Variants in XPOT observed in about 807,000 individuals in gnomAD.
XPOT encodes the protein exportin for tRNA.
In XPOT, 34 loss-of-function variants were observed where a neutral mutation model predicts 128.2. The ratio of observed to expected loss-of-function variants is 0.27; its 90% CI spans 0.20 to 0.35. The LOEUF is 0.35. Among genes scored for constraint, XPOT ranks in the 10% least tolerant of loss-of-function variants. The pLI is 1.00. For missense variants in XPOT, 838 were observed against 1,125.3 expected, an observed-to-expected ratio of 0.74 and a Z score of 3.65; for synonymous variants, 348 against 394.3, an observed-to-expected ratio of 0.88 and a Z score of 1.39.
At chr12:64,441,629 C>T (rs1472408237) in intron 23 of XPOT, among the ~76,000 whole-genome samples, 2 of 151,986 alleles carry the variant, frequency 1.3e-5, no homozygotes, top group Non-Finnish European at 2.9e-5. Flanking sequence ...TGAATCTGTA[C>T]GTCACTTTGT....
At position 64,404,404 on chromosome 12, in the gene XPOT, A is replaced by T. The variant is rs2039955508; in HGVS notation, c.-475A>T. 6.6e-6 allele frequency: 1 copy of T among 151,930 alleles called. No homozygotes were observed. The highest frequency in any genetic ancestry group is 6.6e-5 in the Admixed American group (1 of 15,150). The allele number at this position is 151,930 out of a possible 1,614,324, so 9.4% of individuals were successfully genotyped here. On this transcript the variant is annotated 5_prime_UTR_variant, in exon 1 of 25. Transcript: ENST00000332707. ...GGCTGCCGCCCGCACTCTCCAAGAGACTGCTGGCGCCGGCGCCCGCCCGCG... is the reference window on the plus strand; with the variant it reads ...GGCTGCCGCCCGCACTCTCCAAGAGTCTGCTGGCGCCGGCGCCCGCCCGCG...
chr12:64,437,834 G>T (rs2040294920), intron 22 of XPOT, among the ~76,000 whole-genome samples: 1 of 152,186 alleles, frequency 6.6e-6, no homozygotes, highest in African/African-American at 2.4e-5. Flanking sequence ...GAACCAGATA[G>T]TCAGGTGTGG....
chr12:64,439,648 G>A (rs1373157251), intron 23 of XPOT, among the ~76,000 whole-genome samples: 8 of 152,068 alleles, frequency 5.3e-5, no homozygotes. Context: ...AGCCTAATAG[G>A]CTTTTCCAGA....
At chr12:64,410,435 C>T (rs1592523769) in intron 2 of XPOT, among the ~76,000 whole-genome samples, 1 of 152,080 alleles carries the variant, frequency 6.6e-6, no homozygotes, top group African/African-American at 2.4e-5. Context: ...TTTCTCTTTC[C>T]TTGGCTTGAT....
chr12:64,416,703 A>G lies in XPOT; in HGVS notation c.149A>G (p.Asp50Gly), dbSNP rs201980389. The G allele has an allele frequency of 5.6e-6, 9 of 1,612,422 alleles. No homozygotes were observed. Among genetic ancestry groups the G allele is most frequent in the Middle Eastern group, 1.7e-4 (1 of 6,010 alleles). Residue 50 changes from aspartate (D) to glycine (G), a missense_variant, in exon 4 of 25, where the codon GAT becomes GGT. Coordinates refer to ENST00000332707, the MANE Select transcript of XPOT (RefSeq NM_007235.6). ...TTTCTTTTTTTCTTTTTCAGTGATG[A>G]TCATGTGAAGTTTTTCTGCTTTCAA... ...EALAQRTYSDDHVKFFCFQVL... is the reference protein window; with the variant it reads ...EALAQRTYSDGHVKFFCFQVL...
chr12:64,437,219 G>A (rs776491220), intron 22 of XPOT, among the ~76,000 whole-genome samples: 1 of 152,188 alleles, frequency 6.6e-6, no homozygotes, highest in Admixed American at 6.5e-5. Context: ...CAGGGGAACT[G>A]TATAAAGGTA....
At chr12:64,446,388 G>A (rs2136042459) in intron 24 of XPOT, among the ~76,000 whole-genome samples, 1 of 152,224 alleles carries the variant, frequency 6.6e-6, no homozygotes, top group East Asian at 1.9e-4. Context: ...AATTTCATTC[G>A]TGTTCACTCC....
rs2040173585 is a variant in XPOT at position 64,424,668 on chromosome 12, G to C, written c.1252G>C (p.Val418Leu). ...GTTACTGTTGGACAGGCTTGCTCAA[G>C]TTTCACCAGAGTTACTACTGGCCTC... ...LKLLLDRLAQ[V>L]SPELLLASVR... Residue 418 changes from valine (V) to leucine (L), a missense_variant, in exon 12 of 25, where the codon GTT (valine) becomes CTT (leucine). By Grantham distance (32) the Val-to-Leu change is conservative. Around this residue, in one of 3 missense-constraint regions of XPOT, gnomAD observed 761 missense variants for 988.3 expected, o/e 0.77. Transcript: ENST00000332707. The C allele has an allele frequency of 1.9e-6, 3 of 1,612,970 alleles. No homozygotes were observed. Among genetic ancestry groups the C allele is most frequent in the Non-Finnish European group, 2.5e-6 (3 of 1,179,986 alleles).
chr12:64,409,744 A>G (rs1282895189), intron 1 of XPOT: 1 of 312,882 alleles, frequency 3.2e-6, no homozygotes. Flanking sequence ...CAAAAAAAAA[A>G]ATCAGATTTT....
rs1358704092 is a variant in XPOT at position 64,449,671 on chromosome 12, T to A, written c.*1540T>A. The A allele has an allele frequency of 1.3e-5, 2 of 152,238 alleles. No individual in the cohort carries two copies. Among genetic ancestry groups the A allele is most frequent in the African/African-American group, 4.8e-5 (2 of 41,464 alleles). 9.4% of individuals were successfully genotyped at this position (152,238 alleles called of 1,614,324 possible). ...TTCTTACACCATATAATAAAAATACTTAACTAAATTGACAGTTATAAAAAT... is the reference window on the plus strand; with the variant it reads ...TTCTTACACCATATAATAAAAATACATAACTAAATTGACAGTTATAAAAAT... On this transcript the variant is annotated 3_prime_UTR_variant, in exon 25 of 25. Coordinates refer to ENST00000332707, the MANE Select transcript of XPOT (RefSeq NM_007235.6).
intron 1 of XPOT, among the ~76,000 whole-genome samples, chr12:64,406,325 C>T (rs1169896527): frequency 2.0e-5 from 3 of 151,996 alleles, no homozygotes; most frequent in African/African-American, 4.8e-5. Context: ...CCGCCCACCT[C>T]GGCCTCCCAA....
Position 64,433,533 on chromosome 12 carries a change from G to A in XPOT, c.2382G>A (p.Leu794=). 1 of 1,613,246 alleles carries A rather than the reference G, an allele frequency of 6.2e-7. No homozygotes were observed. Among genetic ancestry groups the A allele is most frequent in the Non-Finnish European group, 8.5e-7 (1 of 1,179,486 alleles). The change falls in exon 19 of 25, where the codon TTG becomes TTA. Residue 794 remains leucine (L), a synonymous_variant. Coordinates refer to ENST00000332707, the MANE Select transcript of XPOT (RefSeq NM_007235.6). ...CTGCTGCTTTAGAGAAGCAGATGTTGCGGAGGAGTTACTTTGCTTTCCTGC... is the reference window on the plus strand; with the variant it reads ...CTGCTGCTTTAGAGAAGCAGATGTTACGGAGGAGTTACTTTGCTTTCCTGC... The part of the protein sequence containing the change: ...DQSAALEKQM[L]RRSYFAFLQT...
intron 14 of XPOT, 149 bp downstream of exon 14, chr12:64,425,606 C>G: frequency 1.8e-6 from 2 of 1,082,752 alleles, no homozygotes; most frequent in Non-Finnish European, 2.7e-6. Flanking sequence ...TCCTCCATTT[C>G]TTTTAAATGG....
intron 11 of XPOT, among the ~76,000 whole-genome samples, chr12:64,424,282 A>C (rs2136022977): frequency 6.6e-6 from 1 of 152,316 alleles, no homozygotes; most frequent in South Asian, 2.1e-4. Flanking sequence ...TAGGCTTTTG[A>C]GGTCTACGGC....
intron 22 of XPOT, among the ~76,000 whole-genome samples, chr12:64,437,074 GGTCTCCATTCAGCT>G (rs1183075426): frequency 6.6e-6 from 1 of 152,124 alleles, no homozygotes; most frequent in Non-Finnish European, 1.5e-5. Context: ...TTTGCTCAGT[GGTCTCCATTCAGCT>G]GTGCACTCAT....
At chr12:64,439,430 C>CATCTTATGTAATGCCATCTTATGTA in intron 23 of XPOT, 115 bp downstream of exon 23, 1 of 935,748 alleles carries the variant, frequency 1.1e-6, no homozygotes, top group South Asian at 1.5e-5. Context: ...AAGTTGTTGC[C>CATCTTATGTAATGCCATCTTATGTA]AGCATCTCAA....
At chr12:64,411,762 C>CTCAGTTG (rs1299622934) in intron 2 of XPOT, among the ~76,000 whole-genome samples, 4 of 152,124 alleles carry the variant, frequency 2.6e-5, no homozygotes, top group African/African-American at 9.7e-5. Context: ...ACCCCAATTG[C>CTCAGTTG]TCAGTTGTCT....
chr12:64,420,088 C>T lies in XPOT; in HGVS notation c.508C>T (p.Leu170Phe). 1 of 1,579,878 alleles carries T rather than the reference C, an allele frequency of 6.3e-7. No homozygotes were observed. Among genetic ancestry groups the T allele is most frequent in the Non-Finnish European group, 8.6e-7 (1 of 1,169,192 alleles). Reference sequence around the variant, plus strand: ...ATTTTAGGAGGCTCGTAGGAATACTCTCATAAAAGATACCATGAGGGAACA... The same window carrying T: ...ATTTTAGGAGGCTCGTAGGAATACTTTCATAAAAGATACCATGAGGGAACA... ...HTSEEARRNT[L>F]IKDTMREQCI... Residue 170 changes from leucine to phenylalanine, a missense_variant, in exon 7 of 25, where the codon CTC (leucine) becomes TTC (phenylalanine). Leu to Phe is a conservative substitution (Grantham distance 22). Around this residue, in one of 3 missense-constraint regions of XPOT, gnomAD observed 761 missense variants for 988.3 expected, o/e 0.77. Coordinates refer to ENST00000332707, the MANE Select transcript of XPOT (RefSeq NM_007235.6).
intron 2 of XPOT, among the ~76,000 whole-genome samples, chr12:64,412,446 A>T (rs1308365733): frequency 6.6e-6 from 1 of 152,174 alleles, no homozygotes; most frequent in Non-Finnish European, 1.5e-5. Flanking sequence ...TGTAAGTGAA[A>T]TATTAGGTGG....
Sources: allele counts gnomAD v4.1 joint callset (sites outside exome capture counted in the v4.1 genomes callset), GRCh38; gene constraint gnomAD v4.1.1; regional missense constraint gnomAD v4.1.1; transcripts MANE v1.5; gene names NCBI Gene and HGNC (gene_info 2026-07-23, HGNC 2026-07-21).